Variants in BBS2 observed in about 807,000 individuals in gnomAD.
BBS2 encodes BBSome complex member BBS2.
A neutral mutation model predicts 83.0 loss-of-function variants in BBS2; 62 were observed. The ratio of observed to expected loss-of-function variants is 0.75; its 90% CI spans 0.61 to 0.92. BBS2 has a LOEUF of 0.92. Among genes scored for constraint, BBS2 ranks in the 40% least tolerant of loss-of-function variants. The pLI is 0.00. For synonymous variants in BBS2, 303 were observed against 326.1 expected (o/e 0.93, Z 0.76); for missense variants, 784 against 901.0 (o/e 0.87, Z 1.66).
chr16:56,481,185 C>T (rs1963656028), downstream of BBS2, among the ~76,000 whole-genome samples: 1 of 151,870 alleles, frequency 6.6e-6, no homozygotes. Flanking sequence ...TCTAGGGTTG[C>T]ATAATAGTTT....
chr16:56,491,270 T>C (rs1402336988), intron 15 of BBS2, among the ~76,000 whole-genome samples: 2 of 152,124 alleles, frequency 1.3e-5, no homozygotes, highest in Non-Finnish European at 2.9e-5. Flanking sequence ...GTTTGGGTCA[T>C]GGGGGCAGAT....
chr16:56,502,346 C>T lies in BBS2; in HGVS notation c.1051G>A (p.Glu351Lys). 6.2e-7 allele frequency: 1 copy of T among 1,614,204 alleles called. No homozygotes were observed. The highest frequency in any genetic ancestry group is 8.5e-7 in the Non-Finnish European group (1 of 1,180,050). Residue 351 changes from glutamate to lysine, a missense_variant, in exon 9 of 17, where the codon GAA becomes AAA. Physicochemically the swap from Glu to Lys is moderately conservative, Grantham distance 56. Transcript: ENST00000245157. ...LSQKKQNLLL[E>K]LRNYEENAKA... ...GCATTTTCCTCATAGTTACGGAGTT[C>T]CAGCAACAGATTCTGCTTCTTCTGA...
At chr16:56,507,632 G>A (rs562658613) in intron 5 of BBS2, among the ~76,000 whole-genome samples, 2 of 151,962 alleles carry the variant, frequency 1.3e-5, no homozygotes, top group East Asian at 3.9e-4. Flanking sequence ...TGAAGGCTCC[G>A]GGCCCTCTCT....
chr16:56,509,522 CAAAA>C (rs763334923), intron 5 of BBS2: 2 of 185,232 alleles, frequency 1.1e-5, no homozygotes, highest in Non-Finnish European at 2.3e-5. Context: ...AACAAACAAA[CAAAA>C]AACCAGAACA....
chr16:56,508,210 G>A (rs185353152), intron 5 of BBS2, among the ~76,000 whole-genome samples: 2 of 152,262 alleles, frequency 1.3e-5, no homozygotes, highest in Admixed American at 1.3e-4. Context: ...TTTGCTTTTT[G>A]TCTCCTTTTA....
At chr16:56,493,243 C>T (rs368858561) in intron 15 of BBS2, among the ~76,000 whole-genome samples, 4 of 151,702 alleles carry the variant, frequency 2.6e-5, no homozygotes, top group Non-Finnish European at 4.4e-5. Flanking sequence ...AAAAATTAGC[C>T]GGGCTGGTGG....
chr16:56,515,845 C>T (rs958576197), intron 1 of BBS2, among the ~76,000 whole-genome samples: 1 of 152,110 alleles, frequency 6.6e-6, no homozygotes, highest in African/African-American at 2.4e-5. Flanking sequence ...CATATGAGGT[C>T]GGAAGAGTTA....
chr16:56,516,102 A>T (rs1964740633), intron 1 of BBS2: 1 of 152,236 alleles, frequency 6.6e-6, no homozygotes, highest in Admixed American at 6.5e-5. Context: ...AAGAGCAACA[A>T]GGATCTCAGG....
At chr16:56,480,853 A>T (rs1473280658), downstream of BBS2, among the ~76,000 whole-genome samples, 1 of 152,158 alleles carries the variant, frequency 6.6e-6, no homozygotes, top group East Asian at 1.9e-4. Flanking sequence ...TCTGATGCAA[A>T]ATCAGTCCAC....
chr16:56,510,396 G>C (rs186904365), intron 4 of BBS2, among the ~76,000 whole-genome samples: 1 of 152,246 alleles, frequency 6.6e-6, no homozygotes, highest in South Asian at 2.1e-4. Context: ...GGGGCAAGTC[G>C]GTGCCCAACA....
downstream of BBS2, among the ~76,000 whole-genome samples, chr16:56,483,846 T>A (rs1197439535): frequency 2.6e-4 from 39 of 149,628 alleles, no homozygotes; most frequent in Non-Finnish European, 5.0e-4. Flanking sequence ...ATTGTAGGTG[T>A]CCACCACCAA....
chr16:56,507,568 C>G (rs1423346073), intron 5 of BBS2, among the ~76,000 whole-genome samples: 3 of 152,102 alleles, frequency 2.0e-5, no homozygotes, highest in African/African-American at 7.2e-5. Flanking sequence ...CAGGGATTCT[C>G]AAGTTGTTTT....
At chr16:56,478,719 C>G (rs1963583131) in intron 17 of BBS2, 1 of 152,162 alleles carries the variant, frequency 6.6e-6, no homozygotes, top group Non-Finnish European at 1.5e-5. Context: ...TTAAAATGTG[C>G]TTTTTAGTGT....
chr16:56,519,671 G>A, intron 1 of BBS2, 75 bp downstream of exon 1: 1 of 1,251,830 alleles, frequency 8.0e-7, no homozygotes, highest in South Asian at 1.2e-5. Context: ...AGAGGGGACG[G>A]GATCCCAGGG....
intron 15 of BBS2, among the ~76,000 whole-genome samples, chr16:56,493,575 T>C (rs1217056971): frequency 4.6e-5 from 7 of 152,068 alleles, no homozygotes; most frequent in African/African-American, 1.4e-4. Flanking sequence ...AATGGAAAGT[T>C]AGACTTTTCC....
chr16:56,519,681 G>T (rs1964862377), intron 1 of BBS2, 65 bp downstream of exon 1: 3 of 1,356,866 alleles, frequency 2.2e-6, no homozygotes, highest in Non-Finnish European at 3.1e-6. Flanking sequence ...GGATCCCAGG[G>T]GCGCGGCCGG....
chr16:56,510,944 T>C (rs772311205), intron 3 of BBS2, 23 bp from the exon 4 acceptor site: 19 of 1,613,228 alleles, frequency 1.2e-5, no homozygotes, highest in Non-Finnish European at 1.5e-5. Context: ...CCCCAAACCA[T>C]TAGCATGCCA....
chr16:56,507,589 T>G (rs1964455672), intron 5 of BBS2, among the ~76,000 whole-genome samples: 1 of 152,014 alleles, frequency 6.6e-6, no homozygotes, highest in Non-Finnish European at 1.5e-5. Flanking sequence ...TTTTTGGTGG[T>G]GGGGGAGGTT....
chr16:56,504,847 T>TATA (rs1479124539), intron 7 of BBS2, among the ~76,000 whole-genome samples: 1 of 152,182 alleles, frequency 6.6e-6, no homozygotes, highest in African/African-American at 2.4e-5. Context: ...TGAATCCTAT[T>TATA]AGCCAAGGTA....
Sources: gnomAD v4.1 joint callset for allele counts (sites outside exome capture counted in the v4.1 genomes callset) on GRCh38, gnomAD v4.1.1 for gene constraint, MANE v1.5 for transcripts, NCBI Gene and HGNC (gene_info 2026-07-23, HGNC 2026-07-21) for gene names.